Variants in ESR1 observed in about 807,000 individuals in gnomAD.
ESR1 encodes the protein estrogen receptor.
Under a neutral mutation model 52.7 loss-of-function variants are expected in ESR1, and 12 were observed. The ratio of observed to expected loss-of-function variants is 0.23; its 90% confidence interval spans 0.15 to 0.37. The LOEUF is 0.37. ESR1 is among the 10% of genes least tolerant of loss of function. The probability of loss-of-function intolerance (pLI) is 1.00; values close to 1 mark genes in which losing one functional copy is unlikely to be tolerated. For missense variants in ESR1, 584 were observed against 779.7 expected (o/e 0.75, Z 2.99); for synonymous variants, 305 against 316.8 (o/e 0.96, Z 0.39).
At chr6:151,847,310 T>G (rs559059792) in intron 2 of ESR1, among the ~76,000 whole-genome samples, 1 of 152,314 alleles carries the variant, frequency 6.6e-6, no homozygotes, top group South Asian at 2.1e-4. Context: ...ACTTATTTGC[T>G]AAAGAACTCA....
chr6:151,926,118 C>T (rs1287573700), intron 3 of ESR1, among the ~76,000 whole-genome samples: 5 of 152,098 alleles, frequency 3.3e-5, no homozygotes, highest in African/African-American at 1.2e-4. Flanking sequence ...TTAATTGGCT[C>T]TTCTTTGTCA....
intron 2 of ESR1, among the ~76,000 whole-genome samples, chr6:151,770,881 C>G (rs1408588248): frequency 6.8e-6 from 1 of 147,858 alleles, no homozygotes; most frequent in Non-Finnish European, 1.5e-5. Context: ...TGTTTCTCAG[C>G]AAAAAAAATA....
intron 6 of ESR1, among the ~76,000 whole-genome samples, chr6:152,087,749 C>G (rs575466917): frequency 2.0e-5 from 3 of 152,270 alleles, no homozygotes; most frequent in East Asian, 1.9e-4. Flanking sequence ...AACAAGGATA[C>G]AATCCATGTT....
intron 4 of ESR1, among the ~76,000 whole-genome samples, chr6:151,953,364 A>G (rs901561838): frequency 6.6e-6 from 1 of 152,130 alleles, no homozygotes; most frequent in African/African-American, 2.4e-5. Context: ...AAGACCAGAG[A>G]ACTGCAAAAA....
chr6:152,045,703 G>T (rs2046177215), intron 5 of ESR1, among the ~76,000 whole-genome samples: 2 of 152,054 alleles, frequency 1.3e-5, no homozygotes, highest in African/African-American at 4.8e-5. Context: ...AGCTTTCATT[G>T]GTACTATATT....
At chr6:151,746,485 T>C (rs892146528) in intron 2 of ESR1, among the ~76,000 whole-genome samples, 4 of 152,192 alleles carry the variant, frequency 2.6e-5, no homozygotes, top group Non-Finnish European at 4.4e-5. Context: ...AAGTCAAACC[T>C]TTTTAATACC....
At chr6:151,969,112 C>T (rs1309034611) in intron 4 of ESR1, among the ~76,000 whole-genome samples, 1 of 152,134 alleles carries the variant, frequency 6.6e-6, no homozygotes, top group Non-Finnish European at 1.5e-5. Context: ...TTCACAGTTG[C>T]TCCAGGGTGC....
chr6:152,024,823 C>T (rs530493775), intron 5 of ESR1, among the ~76,000 whole-genome samples: 27 of 149,158 alleles, frequency 1.8e-4, no homozygotes, highest in Admixed American at 6.7e-5. Context: ...TGTACATATA[C>T]ACATATATAC....
chr6:151,829,124 C>T (rs908447713), intron 1 of ESR1, among the ~76,000 whole-genome samples: 14 of 152,254 alleles, frequency 9.2e-5, no homozygotes, highest in African/African-American at 3.1e-4. Flanking sequence ...CTTAATTTTA[C>T]ATGATGCCCA....
chr6:152,109,435 G>A (rs1330991177), intron 6 of ESR1, among the ~76,000 whole-genome samples: 1 of 152,158 alleles, frequency 6.6e-6, no homozygotes, highest in East Asian at 1.9e-4. Context: ...AGAGGCCAAG[G>A]CGGGCGGATC....
At chr6:151,827,701 A>G (rs143285212) in intron 1 of ESR1, among the ~76,000 whole-genome samples, 258 of 152,338 alleles carry the variant, frequency 1.7e-3, no homozygotes, top group African/African-American at 6.1e-3. Flanking sequence ...GTCTTTAAAT[A>G]TCAAGAGTTT....
chr6:151,930,752 GA>G (rs2033470536), intron 3 of ESR1, among the ~76,000 whole-genome samples: 2 of 151,854 alleles, frequency 1.3e-5, no homozygotes, highest in Non-Finnish European at 2.9e-5. Context: ...ATTTTTGTCT[GA>G]TTTTTTTTTA....
At position 152,095,395 on chromosome 6, in the gene ESR1, C is replaced by G. The variant is rs1212024181; in HGVS notation, c.1553+827C>G. The stretch of plus-strand genomic sequence containing the variant: ...AGGCTGCAGATTGGCGGTCAGCCCT[C>G]CTGACCTCAGCTGGGCTCACTCACA... On this transcript the variant is annotated intron_variant, in intron 7 of 7. Coordinates refer to ENST00000206249, the MANE Select transcript of ESR1 (RefSeq NM_000125.4). 3.9e-5 allele frequency among the ~76,000 whole-genome samples: 6 copies of G among 152,160 alleles called. No individual in the cohort carries two copies. In the South Asian group the frequency reaches 6.2e-4, roughly 16 times the overall value.
At chr6:151,864,643 G>A (rs1789519580) in intron 2 of ESR1, among the ~76,000 whole-genome samples, 1 of 152,146 alleles carries the variant, frequency 6.6e-6, no homozygotes, top group Non-Finnish European at 1.5e-5. Context: ...GCACACGTAT[G>A]TTTATTGCGG....
At chr6:151,716,742 A>G (rs1479242496) in intron 2 of ESR1, among the ~76,000 whole-genome samples, 1 of 152,160 alleles carries the variant, frequency 6.6e-6, no homozygotes, top group African/African-American at 2.4e-5. Flanking sequence ...GAGAATTTCA[A>G]GCTCATGGAT....
At chr6:151,839,472 A>G (rs1562462043) in intron 1 of ESR1, among the ~76,000 whole-genome samples, 1 of 152,226 alleles carries the variant, frequency 6.6e-6, no homozygotes, top group South Asian at 2.1e-4. Context: ...CATATGATCC[A>G]GTAATTCTAC....
intron 1 of ESR1, among the ~76,000 whole-genome samples, chr6:151,664,706 T>A (rs774696019): frequency 6.6e-6 from 1 of 152,200 alleles, no homozygotes; most frequent in Admixed American, 6.5e-5. Context: ...TAATCTAAAT[T>A]TCCCTATTCC....
intron 2 of ESR1, among the ~76,000 whole-genome samples, chr6:151,721,093 T>G (rs1031451993): frequency 6.6e-6 from 1 of 152,180 alleles, no homozygotes; most frequent in Non-Finnish European, 1.5e-5. Context: ...TAAAGCACTA[T>G]GGAAACAAAG....
chr6:151,749,192 CAA>C (rs34553218), intron 2 of ESR1, among the ~76,000 whole-genome samples: 57,170 of 117,592 alleles, frequency 0.49, 11,520 homozygotes, highest in Non-Finnish European at 0.57. Flanking sequence ...TGGGAAAAGA[CAA>C]AAAAAAAAAA....
Sources: gnomAD v4.1 joint callset for allele counts (sites outside exome capture counted in the v4.1 genomes callset) on GRCh38, gnomAD v4.1.1 for gene constraint, MANE v1.5 for transcripts, NCBI Gene and HGNC (gene_info 2026-07-23, HGNC 2026-07-21) for gene names.